CMKLR1: variants seen among roughly 807,000 people sequenced by gnomAD.
CMKLR1 encodes the protein chemerin chemokine-like receptor 1.
In CMKLR1, 6 loss-of-function variants were observed where a neutral mutation model predicts 8.2. That is an observed-to-expected ratio of 0.73 (90% CI 0.40 to 1.44). The LOEUF is 1.44. Among genes scored for constraint, CMKLR1 ranks in the 40% most tolerant of loss-of-function variants. The probability of loss-of-function intolerance (pLI) is 0.02; values close to 1 mark genes in which losing one functional copy is unlikely to be tolerated. For synonymous variants in CMKLR1, 178 were observed against 181.2 expected (o/e 0.98, Z 0.14); for missense variants, 429 against 478.0 (o/e 0.90, Z 0.96).
rs1891033167 is a variant in CMKLR1, at chr12:108,292,860, C to T, written c.103G>A (p.Glu35Lys). ...IVVLEDLSPLEARVTRIFLVV... is the reference protein window; with the variant it reads ...IVVLEDLSPLKARVTRIFLVV... ...AGGAAGATCCTGGTCACCCTGGCTT[C>T]CAAGGGGGATAAGTCCTCCAAAACC... Residue 35 changes from glutamate to lysine, a missense_variant, in exon 4 of 4, where the codon GAA becomes AAA. Glu to Lys is a moderately conservative substitution (Grantham distance 56). Coordinates refer to ENST00000550402, the MANE Select transcript of CMKLR1 (RefSeq NM_001142343.2). The T allele has an allele frequency of 6.2e-7, 1 of 1,614,070 alleles. No homozygotes were observed. Among genetic ancestry groups the T allele is most frequent in the Non-Finnish European group, 8.5e-7 (1 of 1,180,014 alleles).
intron 2 of CMKLR1, among the ~76,000 whole-genome samples, chr12:108,324,773 C>T (rs1323879700): frequency 6.6e-6 from 1 of 152,094 alleles, no homozygotes. Flanking sequence ...TGAGGGTGCA[C>T]CCTTCTGCTG....
intron 1 of CMKLR1, among the ~76,000 whole-genome samples, chr12:108,332,940 A>C (rs1253818850): frequency 1.3e-5 from 2 of 152,126 alleles, no homozygotes; most frequent in African/African-American, 4.8e-5. Context: ...ATGTCACTAC[A>C]CTCCAGCCTG....
intron 1 of CMKLR1, among the ~76,000 whole-genome samples, chr12:108,333,559 C>T (rs1174578583): frequency 6.6e-6 from 1 of 152,218 alleles, no homozygotes; most frequent in Non-Finnish European, 1.5e-5. Flanking sequence ...ACGTGCTGTA[C>T]TCAGTGCTTG....
rs376109863 is a variant in CMKLR1, at chr12:108,324,241, A to G, written c.-74+5754T>C. Reference sequence around the variant, plus strand: ...TCCAGGAAATGTGGCCTGGCTGCCCAGACACAGATGTAGGGGGGCAGATAG... The same window carrying G: ...TCCAGGAAATGTGGCCTGGCTGCCCGGACACAGATGTAGGGGGGCAGATAG... On this transcript the variant is annotated intron_variant, in intron 2 of 3. Coordinates refer to ENST00000550402, the MANE Select transcript of CMKLR1 (RefSeq NM_001142343.2). 2.0e-4 allele frequency among the ~76,000 whole-genome samples: 31 copies of G among 152,296 alleles called. 1 individual carries two copies. The highest frequency in any genetic ancestry group is 6.3e-4 in the African/African-American group (26 of 41,556).
chr12:108,293,651 A>C lies in CMKLR1; in HGVS notation c.-60T>G. 6.7e-7 allele frequency: 1 copy of C among 1,484,220 alleles called. No homozygotes were observed. Among genetic ancestry groups the C allele is most frequent in the Non-Finnish European group, 9.1e-7 (1 of 1,099,074 alleles). 91.9% of individuals were successfully genotyped at this position (1,484,220 alleles called of 1,614,324 possible). A position where few individuals can be genotyped will look rare whatever the true frequency, so the allele number is the denominator to read the frequency against. On this transcript the variant is annotated 5_prime_UTR_variant, in exon 3 of 4. Coordinates refer to ENST00000550402, the MANE Select transcript of CMKLR1 (RefSeq NM_001142343.2). ...GTCCTCAGCCAATCAGTCCCTGTAC[A>C]CAGCTAGAAACACCTGTAGGGAAAA...
At chr12:108,327,350 A>G (rs1892002423) in intron 2 of CMKLR1, among the ~76,000 whole-genome samples, 1 of 152,208 alleles carries the variant, frequency 6.6e-6, no homozygotes, top group Non-Finnish European at 1.5e-5. Context: ...ATGGTGGCAC[A>G]TGCCTGTAGT....
At chr12:108,338,092 G>A (rs1892272445) in intron 1 of CMKLR1, among the ~76,000 whole-genome samples, 1 of 152,160 alleles carries the variant, frequency 6.6e-6, no homozygotes, top group South Asian at 2.1e-4. Flanking sequence ...CTGAGTGATT[G>A]GGCTTATATC....
At chr12:108,304,250 T>C (rs1275171644) in intron 2 of CMKLR1, among the ~76,000 whole-genome samples, 1 of 152,128 alleles carries the variant, frequency 6.6e-6, no homozygotes, top group Non-Finnish European at 1.5e-5. Flanking sequence ...CCCCTCAGCC[T>C]AGAGACAGTG....
chr12:108,293,596 C>A lies in CMKLR1; in HGVS notation c.-5G>T, dbSNP rs979409352. On this transcript the variant is annotated 5_prime_UTR_variant, in exon 3 of 4. Coordinates refer to ENST00000550402, the MANE Select transcript of CMKLR1 (RefSeq NM_001142343.2). ...ACCACAAGACTTCCTCACCATTCAC[C>A]GTTATGTTGTCTGCAGCTCTCCAAT... is the stretch of plus-strand genomic sequence containing the variant. 2 of 1,550,458 alleles carry A rather than the reference C, an allele frequency of 1.3e-6. No individual in the cohort carries two copies. Among genetic ancestry groups the A allele is most frequent in the Non-Finnish European group, 1.7e-6 (2 of 1,146,806 alleles).
intron 2 of CMKLR1, among the ~76,000 whole-genome samples, chr12:108,295,372 C>G (rs932168617): frequency 2.0e-5 from 3 of 152,260 alleles, no homozygotes. Context: ...AGACCATGAT[C>G]TGCTCAGATT....
intron 2 of CMKLR1, among the ~76,000 whole-genome samples, chr12:108,297,800 C>G (rs965824778): frequency 5.3e-5 from 8 of 152,224 alleles, no homozygotes; most frequent in African/African-American, 1.9e-4. Context: ...CCTGATAGCC[C>G]AAACCTTTGT....
At chr12:108,306,507 C>G (rs1022895238) in intron 2 of CMKLR1, among the ~76,000 whole-genome samples, 3 of 152,018 alleles carry the variant, frequency 2.0e-5, no homozygotes, top group Non-Finnish European at 2.9e-5. Flanking sequence ...CCCATTTTGT[C>G]CTCCCAACAA....
chr12:108,303,867 C>T (rs1332299233), intron 2 of CMKLR1, among the ~76,000 whole-genome samples: 3 of 152,200 alleles, frequency 2.0e-5, no homozygotes, highest in African/African-American at 7.2e-5. Context: ...AGGCGGGGAT[C>T]ATTCATTTAT....
chr12:108,335,917 G>T (rs1298377539), intron 1 of CMKLR1, among the ~76,000 whole-genome samples: 1 of 152,164 alleles, frequency 6.6e-6, no homozygotes, highest in African/African-American at 2.4e-5. Context: ...CCATGCTGGG[G>T]GATTGCTAAC....
chr12:108,326,748 G>A (rs986734522), intron 2 of CMKLR1, among the ~76,000 whole-genome samples: 2 of 152,162 alleles, frequency 1.3e-5, no homozygotes, highest in African/African-American at 2.4e-5. Flanking sequence ...CTAAGGGGCT[G>A]GGGGCTAGAG....
intron 2 of CMKLR1, among the ~76,000 whole-genome samples, chr12:108,303,102 G>A (rs1593162930): frequency 6.6e-6 from 1 of 152,238 alleles, no homozygotes; most frequent in African/African-American, 2.4e-5. Context: ...CCAGGCAGGG[G>A]GCCAAACATG....
At position 108,292,067 on chromosome 12, in the gene CMKLR1, G is replaced by A; in HGVS notation, c.896C>T (p.Pro299Leu). 1 of 1,614,210 alleles carries A rather than the reference G, an allele frequency of 6.2e-7. No homozygotes were observed. Among genetic ancestry groups the A allele is most frequent in the South Asian group, 1.1e-5 (1 of 91,084 alleles). The change falls in exon 4 of 4, where the codon CCC becomes CTC. Residue 299 changes from proline (P) to leucine (L), a missense_variant. Transcript: ENST00000550402. Reference sequence around the variant, plus strand: ...GGCAATGGCAAGGGCAGTGGCCAGGGGCAAACCCAGGCTGAAGACAGAGCC... The same window carrying A: ...GGCAATGGCAAGGGCAGTGGCCAGGAGCAAACCCAGGCTGAAGACAGAGCC... Reference protein sequence around the residue: ...MPGSVFSLGLPLATALAIANS... With the variant: ...MPGSVFSLGLLLATALAIANS...
In CMKLR1 at chr12:108,323,666, G is replaced by A. The variant is rs954170418; in HGVS notation, c.-74+6329C>T. ...CAAATCTTCAGATGACACTGAGCTG[G>A]AAGTTGCCATCTGGTCCAATGTGTA... On this transcript the variant is annotated intron_variant, in intron 2 of 3. Coordinates refer to ENST00000550402, the MANE Select transcript of CMKLR1 (RefSeq NM_001142343.2). Among the ~76,000 whole-genome samples the A allele has an allele frequency of 3.3e-5, 5 of 152,188 alleles. 1 individual carries two copies. In the South Asian group the frequency reaches 6.2e-4, roughly 19 times the overall value.
intron 2 of CMKLR1, among the ~76,000 whole-genome samples, chr12:108,305,978 C>T (rs1326873891): frequency 6.6e-6 from 1 of 152,166 alleles, no homozygotes; most frequent in Non-Finnish European, 1.5e-5. Context: ...CCCCCCCACC[C>T]AAAATATTCA....
Sources: allele counts gnomAD v4.1 joint callset (sites outside exome capture counted in the v4.1 genomes callset), GRCh38; gene constraint gnomAD v4.1.1; transcripts MANE v1.5; gene names NCBI Gene and HGNC (gene_info 2026-07-23, HGNC 2026-07-21).